The following ZNF609 variants were observed in gnomAD, a reference collection of about 807,000 sequenced individuals.
ZNF609 encodes the protein zinc finger protein 609.
Under a neutral mutation model 109.5 loss-of-function variants are expected in ZNF609, and 11 were observed. The ratio of observed to expected loss-of-function variants is 0.10; its 90% CI spans 0.06 to 0.17. The LOEUF is 0.17. Ranked by LOEUF, ZNF609 falls within the 10% of genes least tolerant of loss-of-function variation. The pLI, the probability that ZNF609 is intolerant of heterozygous loss-of-function variation, is 1.00. For synonymous variants in ZNF609, 646 were observed against 662.0 expected, an observed-to-expected ratio of 0.98 and a Z score of 0.37; for missense variants, 1,559 against 1,772.4, an observed-to-expected ratio of 0.88 and a Z score of 2.16.
chr15:64,675,590 C>A lies in ZNF609; in HGVS notation c.2736C>A (p.Asn912Lys). 4.3e-6 allele frequency: 7 copies of A among 1,614,106 alleles called. No individual in the cohort carries two copies. The highest frequency in any genetic ancestry group is 5.9e-6 in the Non-Finnish European group (7 of 1,180,040). ...CACAGTCCAGCCCTGGGGCTCTGAACCCCAGCAGCCAGGCAGGAGTGGAGA... is the reference window on the plus strand; with the variant it reads ...CACAGTCCAGCCCTGGGGCTCTGAAACCCAGCAGCCAGGCAGGAGTGGAGA... Reference protein sequence around the residue: ...SYAQSSPGALNPSSQAGVESQ... With the variant: ...SYAQSSPGALKPSSQAGVESQ... Residue 912 changes from asparagine (N) to lysine (K), a missense_variant, in exon 5 of 10, where the codon AAC becomes AAA. Coordinates refer to ENST00000326648, the MANE Select transcript of ZNF609 (RefSeq NM_015042.2).
intron 1 of ZNF609, among the ~76,000 whole-genome samples, chr15:64,480,163 T>G (rs1382632017): frequency 6.6e-6 from 1 of 150,806 alleles, no homozygotes; most frequent in Non-Finnish European, 1.5e-5. Context: ...CGCTTGAACC[T>G]GGGAGGCAGA....
intron 2 of ZNF609, among the ~76,000 whole-genome samples, chr15:64,575,572 A>G (rs983464176): frequency 1.3e-5 from 2 of 152,204 alleles, no homozygotes; most frequent in Non-Finnish European, 2.9e-5. Context: ...AGGGAGGTCA[A>G]CGTATTTATT....
intron 2 of ZNF609, among the ~76,000 whole-genome samples, chr15:64,548,991 CA>C (rs1338757599): frequency 6.6e-6 from 1 of 152,154 alleles, no homozygotes; most frequent in Non-Finnish European, 1.5e-5. Flanking sequence ...GTCAAGAGTT[CA>C]CCTGAAAACC....
chr15:64,524,623 A>G (rs747521731), intron 2 of ZNF609, among the ~76,000 whole-genome samples: 1 of 151,548 alleles, frequency 6.6e-6, no homozygotes, highest in Non-Finnish European at 1.5e-5. Flanking sequence ...AGCATAATCT[A>G]TTGTAGCATG....
chr15:64,679,545 T>TTATAAAGCACACTCTAAATA (rs1284459081), intron 6 of ZNF609, among the ~76,000 whole-genome samples: 6 of 152,186 alleles, frequency 3.9e-5, no homozygotes, highest in Non-Finnish European at 8.8e-5. Flanking sequence ...GGTGACATTA[T>TTATAAAGCACACTCTAAATA]TATAAAGCAC....
chr15:64,659,136 C>T (rs58359245), intron 3 of ZNF609, among the ~76,000 whole-genome samples: 3,386 of 152,116 alleles, frequency 0.022, 131 homozygotes, highest in African/African-American at 0.078. Flanking sequence ...ATTCTTGGCA[C>T]CTGAACTGAG....
At chr15:64,486,106 C>T (rs966320145) in intron 1 of ZNF609, among the ~76,000 whole-genome samples, 2 of 152,214 alleles carry the variant, frequency 1.3e-5, no homozygotes, top group African/African-American at 2.4e-5. Context: ...CTGTCCCCTT[C>T]TCCCATCTCC....
intron 1 of ZNF609, among the ~76,000 whole-genome samples, chr15:64,473,570 C>G (rs1395148259): frequency 1.3e-5 from 2 of 151,726 alleles, no homozygotes; most frequent in South Asian, 2.1e-4. Flanking sequence ...TAAGCATTCA[C>G]TAATTGGATA....
At chr15:64,482,340 C>T (rs1799649496) in intron 1 of ZNF609, among the ~76,000 whole-genome samples, 2 of 151,882 alleles carry the variant, frequency 1.3e-5, no homozygotes, top group African/African-American at 4.8e-5. Context: ...AGGAATTATC[C>T]CAGAAATGTT....
rs1808657316 is a variant in ZNF609, at chr15:64,622,923, G to T, written c.844G>T (p.Val282Phe). ...CTCATCTCCCTGTGAGCAGATCATG[G>T]TTCGTACCCGATCAGTTGGGGTCAA... ...DISSPCEQIM[V>F]RTRSVGVNTC... Residue 282 changes from valine to phenylalanine, a missense_variant, in exon 3 of 10, where the codon GTT becomes TTT. By Grantham distance (50) the Val-to-Phe change is conservative (BLOSUM62 -1). This residue lies in a region of ZNF609 where 291 missense variants were observed against 317.8 expected (regional missense o/e 0.92). Coordinates refer to ENST00000326648, the MANE Select transcript of ZNF609 (RefSeq NM_015042.2). The T allele has an allele frequency of 1.2e-6, 2 of 1,614,064 alleles. No individual in the cohort carries two copies. Among genetic ancestry groups the T allele is most frequent in the African/African-American group, 2.7e-5 (2 of 74,938 alleles).
intron 4 of ZNF609, 72 bp from the exon 5 acceptor site, chr15:64,673,844 G>A: frequency 6.7e-7 from 1 of 1,503,524 alleles, no homozygotes; most frequent in Non-Finnish European, 9.0e-7. Context: ...CAGTTCTGGA[G>A]GCTACAGCTA....
chr15:64,608,750 T>TA lies in ZNF609; in HGVS notation c.748-14077_748-14076insA, dbSNP rs1312967854. Among the ~76,000 whole-genome samples, 8 of 152,064 alleles carry TA rather than the reference T, an allele frequency of 5.3e-5. No homozygotes were observed. The South Asian group carries it at 1.7e-3, about 32-fold the overall frequency. The stretch of plus-strand genomic sequence containing the variant: ...GTGTGTGTGTGTGTGTGTGTGTGTA[T>TA]TTTTTTGATACAGCATCTCACTTTG... On this transcript the variant is annotated intron_variant, in intron 2 of 9. Transcript: ENST00000326648.
chr15:64,602,983 G>T (rs1183764207), intron 2 of ZNF609, among the ~76,000 whole-genome samples: 10 of 140,750 alleles, frequency 7.1e-5, no homozygotes, highest in African/African-American at 2.7e-4. Context: ...CTGACCTTGT[G>T]ATCTGCCCAC....
rs541056729 is a variant in ZNF609 at position 64,500,430 on chromosome 15, A to T, written c.747+264A>T. On this transcript the variant is annotated intron_variant, in intron 2 of 9. Coordinates refer to ENST00000326648, the MANE Select transcript of ZNF609 (RefSeq NM_015042.2). ...CTACTTTGTAGAATGAACTTTCTGT[A>T]GTCTGAGTTGAGACCTTCCCACCTT... The T allele has an allele frequency of 5.0e-5, 35 of 696,094 alleles. No individual in the cohort carries two copies. The African/African-American group carries it at 5.4e-4, about 11-fold the overall frequency. 43.1% of individuals were successfully genotyped at this position (696,094 alleles called of 1,614,324 possible).
intron 4 of ZNF609, among the ~76,000 whole-genome samples, chr15:64,672,485 C>T (rs1388115914): frequency 6.7e-6 from 1 of 149,736 alleles, no homozygotes; most frequent in Non-Finnish European, 1.5e-5. Flanking sequence ...ATTAGCTGGG[C>T]ATGGTGGCTC....
At chr15:64,662,385 G>A (rs777811261) in intron 3 of ZNF609, among the ~76,000 whole-genome samples, 1 of 152,062 alleles carries the variant, frequency 6.6e-6, no homozygotes, top group Admixed American at 6.6e-5. Context: ...GAGTGCAGGG[G>A]CAACATCTCA....
intron 2 of ZNF609, among the ~76,000 whole-genome samples, chr15:64,556,018 GTCTC>G (rs1057386653): frequency 6.7e-6 from 1 of 150,004 alleles, no homozygotes. Context: ...TGGAGACAGG[GTCTC>G]TCTCTGTTGC....
chr15:64,496,331 T>G (rs746121586), intron 1 of ZNF609, among the ~76,000 whole-genome samples: 1 of 152,204 alleles, frequency 6.6e-6, no homozygotes, highest in Non-Finnish European at 1.5e-5. Flanking sequence ...TAAGGAAAGT[T>G]TTATTGTTTT....
In ZNF609 at chr15:64,685,388, C is replaced by T. The variant is rs1428947423; in HGVS notation, c.*3702C>T. On this transcript the variant is annotated 3_prime_UTR_variant, in exon 10 of 10. Transcript: ENST00000326648. ...TTCCTGGCCCTGCTCCATATGCATC[C>T]TCAGCTTCACTTTCCCTGGCTGATG... 6.5e-6 allele frequency: 1 copy of T among 152,728 alleles called. No individual in the cohort carries two copies. Among genetic ancestry groups the T allele is most frequent in the Non-Finnish European group, 1.5e-5 (1 of 68,142 alleles). 9.5% of individuals were successfully genotyped at this position (152,728 alleles called of 1,614,324 possible).
Sources: allele counts gnomAD v4.1 joint callset (sites outside exome capture counted in the v4.1 genomes callset), GRCh38; gene constraint gnomAD v4.1.1; regional missense constraint gnomAD v4.1.1; transcripts MANE v1.5; gene names NCBI Gene and HGNC (gene_info 2026-07-23, HGNC 2026-07-21).